Variants in DPYSL3 observed in about 807,000 individuals in gnomAD.
DPYSL3 encodes the protein dihydropyrimidinase-related protein 3.
In DPYSL3, 16 loss-of-function variants were observed where a neutral mutation model predicts 66.1. The observed-to-expected ratio is 0.24, with a 90% confidence interval of 0.16 to 0.37. DPYSL3 has a LOEUF of 0.37. Among genes scored for constraint, DPYSL3 ranks in the 10% least tolerant of loss-of-function variants. The probability of loss-of-function intolerance (pLI) is 1.00; values close to 1 mark genes in which losing one functional copy is unlikely to be tolerated. For synonymous variants in DPYSL3, 338 were observed against 345.1 expected, an observed-to-expected ratio of 0.98 and a Z score of 0.23; for missense variants, 738 against 916.2, an observed-to-expected ratio of 0.81 and a Z score of 2.51.
intron 1 of DPYSL3, among the ~76,000 whole-genome samples, chr5:147,499,103 G>C (rs1199216424): frequency 5.3e-5 from 8 of 151,896 alleles, no homozygotes; most frequent in Admixed American, 5.2e-4. Context: ...TTTTTATATG[G>C]TGCACCACTG....
chr5:147,502,570 GCT>G (rs1753627119), intron 1 of DPYSL3, among the ~76,000 whole-genome samples: 1 of 130,298 alleles, frequency 7.7e-6, no homozygotes, highest in African/African-American at 2.9e-5. Context: ...GCTTAATAAT[GCT>G]TTTTTTTTTT....
chr5:147,405,333 A>T (rs1375666204), intron 8 of DPYSL3, among the ~76,000 whole-genome samples: 1 of 152,232 alleles, frequency 6.6e-6, no homozygotes, highest in Non-Finnish European at 1.5e-5. Context: ...AAAATCAAAG[A>T]TCAAGGGGAG....
intron 8 of DPYSL3, among the ~76,000 whole-genome samples, chr5:147,403,975 C>T (rs916959386): frequency 7.9e-5 from 12 of 152,122 alleles, no homozygotes; most frequent in African/African-American, 2.2e-4. Flanking sequence ...CTGTCCCGAG[C>T]GGCCCTAGGT....
At chr5:147,409,872 T>C (rs77624842) in intron 6 of DPYSL3, among the ~76,000 whole-genome samples, 2,975 of 152,242 alleles carry the variant, frequency 0.02, 95 homozygotes, top group African/African-American at 0.068. Flanking sequence ...GTAAGGATTC[T>C]TACCACCTGG....
intron 1 of DPYSL3, among the ~76,000 whole-genome samples, chr5:147,480,291 G>A (rs1452954741): frequency 6.6e-6 from 1 of 152,180 alleles, no homozygotes; most frequent in Non-Finnish European, 1.5e-5. Context: ...GTCAGGTAGA[G>A]ATCCCTCCTC....
intron 12 of DPYSL3, among the ~76,000 whole-genome samples, chr5:147,396,865 G>GTA (rs10561140): frequency 0.018 from 2,592 of 144,568 alleles, 48 homozygotes; most frequent in African/African-American, 0.037. Context: ...GTATATGTGT[G>GTA]TATATATATA....
chr5:147,458,232 T>C (rs1055557329), intron 1 of DPYSL3, among the ~76,000 whole-genome samples: 3 of 152,098 alleles, frequency 2.0e-5, no homozygotes, highest in African/African-American at 7.2e-5. Flanking sequence ...ATAAAGACCT[T>C]CCTGATAAAA....
intron 1 of DPYSL3, among the ~76,000 whole-genome samples, chr5:147,448,380 G>T (rs1436165819): frequency 6.6e-6 from 1 of 152,142 alleles, no homozygotes; most frequent in Non-Finnish European, 1.5e-5. Context: ...AAAATTCTTA[G>T]GAACACTGTA....
chr5:147,455,958 T>A (rs1229148861), intron 1 of DPYSL3, among the ~76,000 whole-genome samples: 1 of 152,036 alleles, frequency 6.6e-6, no homozygotes, highest in Non-Finnish European at 1.5e-5. Flanking sequence ...CAAGACTTGG[T>A]TAAGCTTTTT....
At chr5:147,450,260 G>A (rs908352056) in intron 1 of DPYSL3, among the ~76,000 whole-genome samples, 3 of 151,998 alleles carry the variant, frequency 2.0e-5, no homozygotes, top group African/African-American at 7.3e-5. Context: ...AGGATTCAAC[G>A]AAACAAGGCA....
rs982810504 is a variant in DPYSL3 at position 147,434,410 on chromosome 5, G to A, written c.382-9447C>T. Among the ~76,000 whole-genome samples, 36 of 152,302 alleles carry A rather than the reference G, an allele frequency of 2.4e-4. 1 individual carries two copies. Among genetic ancestry groups the A allele is most frequent in the African/African-American group, 8.7e-4 (36 of 41,552 alleles). ...GAAGCTCTCTTACATATGCGGACTA[G>A]AGAAGTGACATCCAGCTTCAATCAA... On this transcript the variant is annotated intron_variant, in intron 1 of 13. Coordinates refer to ENST00000343218, the MANE Select transcript of DPYSL3 (RefSeq NM_001197294.2).
intron 1 of DPYSL3, among the ~76,000 whole-genome samples, chr5:147,475,044 T>C (rs1468836394): frequency 6.6e-6 from 1 of 152,044 alleles, no homozygotes; most frequent in African/African-American, 2.4e-5. Flanking sequence ...ACTTGGCAGT[T>C]TCCCAAAAGA....
At chr5:147,423,545 C>T (rs971265470) in intron 2 of DPYSL3, among the ~76,000 whole-genome samples, 1 of 151,994 alleles carries the variant, frequency 6.6e-6, no homozygotes, top group Non-Finnish European at 1.5e-5. Context: ...TAAAAAGTAG[C>T]TCTTATCAAA....
chr5:147,481,090 C>T lies in DPYSL3; in HGVS notation c.381+28388G>A, dbSNP rs115423150. 8.8e-4 allele frequency among the ~76,000 whole-genome samples: 134 copies of T among 152,162 alleles called. 1 individual carries two copies. Among genetic ancestry groups the T allele is most frequent in the African/African-American group, 2.3e-3 (96 of 41,522 alleles). On this transcript the variant is annotated intron_variant, in intron 1 of 13. Transcript: ENST00000343218. ...TTTAAAGTTTACAAAAAATTTCATA[C>T]GCATTATTTCATAAAATTCAGAGAG... is the stretch of plus-strand genomic sequence containing the variant.
chr5:147,456,788 A>G (rs11955009), intron 1 of DPYSL3, among the ~76,000 whole-genome samples: 5,393 of 151,590 alleles, frequency 0.036, 332 homozygotes, highest in African/African-American at 0.12. Context: ...AGGGGGTTTC[A>G]CCATGTTGGC....
chr5:147,416,592 T>C (rs774923414), intron 3 of DPYSL3, among the ~76,000 whole-genome samples: 2 of 152,188 alleles, frequency 1.3e-5, no homozygotes, highest in African/African-American at 2.4e-5. Context: ...CCTGAACAGC[T>C]GAGGCAAAGT....
intron 1 of DPYSL3, among the ~76,000 whole-genome samples, chr5:147,483,490 G>A (rs1300790546): frequency 6.6e-6 from 1 of 152,184 alleles, no homozygotes; most frequent in Non-Finnish European, 1.5e-5. Flanking sequence ...TTAAGGGTCT[G>A]TATATGCCAG....
At chr5:147,399,700 G>T (rs1473066942) in intron 10 of DPYSL3, among the ~76,000 whole-genome samples, 1 of 152,136 alleles carries the variant, frequency 6.6e-6, no homozygotes, top group Admixed American at 6.5e-5. Flanking sequence ...GTGGAATTGA[G>T]ATATTTTTGT....
At chr5:147,397,269 T>C (rs1419113851) in intron 12 of DPYSL3, among the ~76,000 whole-genome samples, 1 of 151,918 alleles carries the variant, frequency 6.6e-6, no homozygotes, top group Non-Finnish European at 1.5e-5. Flanking sequence ...TAAAATGTTA[T>C]AAGTGTTTGC....
Sources: gnomAD v4.1 joint callset for allele counts (sites outside exome capture counted in the v4.1 genomes callset) on GRCh38, gnomAD v4.1.1 for gene constraint, MANE v1.5 for transcripts, NCBI Gene and HGNC (gene_info 2026-07-23, HGNC 2026-07-21) for gene names.